SLC8A1: variants seen among roughly 807,000 people sequenced by gnomAD.
The protein encoded by SLC8A1 is sodium/calcium exchanger 1.
SLC8A1 carries 18 observed loss-of-function variants against 68.3 expected under a neutral mutation model. The observed-to-expected ratio is 0.26, with a 90% CI of 0.18 to 0.39. The LOEUF (loss-of-function observed/expected upper bound fraction) is 0.39. Among genes scored for constraint, SLC8A1 ranks in the 10% least tolerant of loss-of-function variants. The pLI is 1.00. For synonymous variants in SLC8A1, 475 were observed against 415.5 expected, an observed-to-expected ratio of 1.14 and a Z score of -1.74; for missense variants, 985 against 1,156.7, an observed-to-expected ratio of 0.85 and a Z score of 2.15.
At chr2:40,246,499 C>T (rs1440941019) in intron 2 of SLC8A1, among the ~76,000 whole-genome samples, 1 of 152,154 alleles carries the variant, frequency 6.6e-6, no homozygotes, top group Non-Finnish European at 1.5e-5. Flanking sequence ...TTCAGCAGAA[C>T]CTTGGATAAC....
At chr2:40,155,329 C>G (rs2044273498) in intron 6 of SLC8A1, among the ~76,000 whole-genome samples, 1 of 152,072 alleles carries the variant, frequency 6.6e-6, no homozygotes, top group Non-Finnish European at 1.5e-5. Context: ...GGTGGTTTCA[C>G]CGTGTTAGCC....
Position 40,194,514 on chromosome 2 carries a change from C to T in SLC8A1, c.1809-16659G>A, listed in dbSNP as rs998630822. On this transcript the variant is annotated intron_variant, in intron 2 of 7. Transcript: ENST00000406785. ...GTGTGTGTGTGTGTGTGTGCGCGCG[C>T]AAAGAAAACGAGAGGGAGAAGGAAA... 6.1e-4 allele frequency among the ~76,000 whole-genome samples: 81 copies of T among 133,670 alleles called. 2 individuals are homozygous for T. Among genetic ancestry groups the T allele is most frequent in the African/African-American group, 2.2e-3 (74 of 34,260 alleles). 87.7% of individuals were successfully genotyped at this position (133,670 alleles called of 152,430 possible).
At chr2:40,425,475 A>G (rs1193608459) in intron 2 of SLC8A1, among the ~76,000 whole-genome samples, 1 of 151,868 alleles carries the variant, frequency 6.6e-6, no homozygotes, top group Non-Finnish European at 1.5e-5. Flanking sequence ...TCTTAAAATT[A>G]GCCTTTAAAT....
chr2:40,122,584 A>G (rs1322072274), intron 7 of SLC8A1, among the ~76,000 whole-genome samples: 1 of 152,104 alleles, frequency 6.6e-6, no homozygotes, highest in Non-Finnish European at 1.5e-5. Context: ...GAAAACATGA[A>G]CTTGCTAGCC....
chr2:40,164,080 A>G (rs1362359803), intron 5 of SLC8A1, among the ~76,000 whole-genome samples: 1 of 152,168 alleles, frequency 6.6e-6, no homozygotes, highest in Middle Eastern at 3.2e-3. Context: ...TGCACATTTC[A>G]TATCCCACTG....
chr2:40,368,337 A>T (rs1406293207), intron 2 of SLC8A1, among the ~76,000 whole-genome samples: 4 of 152,066 alleles, frequency 2.6e-5, no homozygotes, highest in African/African-American at 9.7e-5. Context: ...ATTTTTAAAC[A>T]AAGTTATTTC....
chr2:40,128,583 C>T (rs1168224891), intron 7 of SLC8A1, among the ~76,000 whole-genome samples: 1 of 152,152 alleles, frequency 6.6e-6, no homozygotes, highest in Non-Finnish European at 1.5e-5. Flanking sequence ...CGACATTTGG[C>T]ATTTGTCTAT....
rs1312683342 is a variant in SLC8A1 at position 40,195,021 on chromosome 2, A to G, written c.1809-17166T>C. Reference sequence around the variant, plus strand: ...AGCTGAGTGATGTAGAATGGAGGATAAAACAGGACAGATGGCTGCTCATAG... The same window carrying G: ...AGCTGAGTGATGTAGAATGGAGGATGAAACAGGACAGATGGCTGCTCATAG... On this transcript the variant is annotated intron_variant, in intron 2 of 7. Transcript: ENST00000406785. 3.3e-5 allele frequency among the ~76,000 whole-genome samples: 5 copies of G among 152,180 alleles called. No individual in the cohort carries two copies. In the South Asian group the frequency reaches 1.0e-3, roughly 31 times the overall value.
chr2:40,299,437 C>T (rs1436813369), intron 2 of SLC8A1, among the ~76,000 whole-genome samples: 1 of 152,166 alleles, frequency 6.6e-6, no homozygotes, highest in East Asian at 1.9e-4. Flanking sequence ...AGAATTGTGG[C>T]TGAACTCATC....
intron 2 of SLC8A1, among the ~76,000 whole-genome samples, chr2:40,204,735 CTT>C (rs994217114): frequency 1.1e-4 from 16 of 151,916 alleles, no homozygotes; most frequent in Admixed American, 8.5e-4. Flanking sequence ...TTAATAATAA[CTT>C]TTATTTACTC....
chr2:40,152,116 C>A (rs1308941396), intron 6 of SLC8A1, among the ~76,000 whole-genome samples: 1 of 152,128 alleles, frequency 6.6e-6, no homozygotes, highest in Non-Finnish European at 1.5e-5. Flanking sequence ...GTAGGTATTG[C>A]ATCTTGATTA....
chr2:40,391,912 C>A (rs183430937), intron 2 of SLC8A1, among the ~76,000 whole-genome samples: 2 of 152,158 alleles, frequency 1.3e-5, no homozygotes, highest in Non-Finnish European at 2.9e-5. Flanking sequence ...GACTAAATGT[C>A]CTTTGTCACT....
intron 1 of SLC8A1, among the ~76,000 whole-genome samples, chr2:40,449,190 A>AC (rs1553616262): frequency 2.8e-4 from 42 of 150,056 alleles, no homozygotes; most frequent in East Asian, 1.2e-3. Flanking sequence ...ACAAAAAAAA[A>AC]CACACAGACA....
At position 40,174,855 on chromosome 2, in the gene SLC8A1, A is replaced by G. The variant is rs749460729; in HGVS notation, c.1913-13T>C. ...ATTGTGAAGCCACCTAAAAAAGAAA[A>G]AAACAACAACAAATGTTATAATTTG... On this transcript the variant is annotated splice_polypyrimidine_tract_variant and intron_variant, in intron 3 of 7. Coordinates refer to ENST00000406785, the Ensembl canonical transcript of SLC8A1. The G allele has an allele frequency of 1.0e-5, 16 of 1,607,152 alleles. No individual in the cohort carries two copies. Among genetic ancestry groups the G allele is most frequent in the Admixed American group, 3.3e-5 (2 of 59,858 alleles).
intron 2 of SLC8A1, among the ~76,000 whole-genome samples, chr2:40,395,350 C>T (rs947207480): frequency 4.6e-5 from 7 of 152,130 alleles, no homozygotes; most frequent in South Asian, 2.1e-4. Context: ...ATTCAGACCA[C>T]GAATTCCTGT....
chr2:40,361,704 G>A (rs1674677642), intron 2 of SLC8A1, among the ~76,000 whole-genome samples: 1 of 151,902 alleles, frequency 6.6e-6, no homozygotes, highest in Non-Finnish European at 1.5e-5. Flanking sequence ...GGGAACACAC[G>A]GAGGTAGACC....
At chr2:40,396,381 T>A (rs1210579871) in intron 2 of SLC8A1, among the ~76,000 whole-genome samples, 1 of 152,152 alleles carries the variant, frequency 6.6e-6, no homozygotes, top group Admixed American at 6.6e-5. Flanking sequence ...ATGAATGGTC[T>A]GCAAACCACT....
At chr2:40,442,637 T>G (rs1049096117) in intron 1 of SLC8A1, among the ~76,000 whole-genome samples, 1 of 152,124 alleles carries the variant, frequency 6.6e-6, no homozygotes, top group Middle Eastern at 3.2e-3. Flanking sequence ...CAAACAGAAA[T>G]GCTTTTATAC....
At chr2:40,485,117 T>C (rs2149916903) in intron 1 of SLC8A1, among the ~76,000 whole-genome samples, 1 of 152,018 alleles carries the variant, frequency 6.6e-6, no homozygotes, top group East Asian at 1.9e-4. Context: ...TTAGCAAAAA[T>C]AGAGGAGGAG....
Sources: gnomAD v4.1 joint callset for allele counts (sites outside exome capture counted in the v4.1 genomes callset) on GRCh38, gnomAD v4.1.1 for gene constraint, MANE v1.5 for transcripts, NCBI Gene and HGNC (gene_info 2026-07-23, HGNC 2026-07-21) for gene names.